PPM1E: variants seen among roughly 807,000 people sequenced by gnomAD.
PPM1E encodes protein phosphatase 1E.
PPM1E carries 20 observed loss-of-function variants against 65.9 expected under a neutral mutation model. The observed-to-expected ratio is 0.30, with a 90% CI of 0.21 to 0.44. The LOEUF is 0.44. PPM1E is among the 20% of genes least tolerant of loss of function. The probability of loss-of-function intolerance (pLI) is 1.00; values close to 1 mark genes in which losing one functional copy is unlikely to be tolerated. For missense variants in PPM1E, 713 were observed against 953.1 expected (o/e 0.75, Z 3.32); for synonymous variants, 352 against 374.9 (o/e 0.94, Z 0.70).
intron 1 of PPM1E, among the ~76,000 whole-genome samples, chr17:58,932,196 C>T (rs1055438233): frequency 5.3e-5 from 8 of 152,042 alleles, no homozygotes; most frequent in South Asian, 2.1e-4. Context: ...GGGCCGTGCG[C>T]GGTGGCTCAC....
intron 1 of PPM1E, among the ~76,000 whole-genome samples, chr17:58,865,049 A>G (rs2050985105): frequency 6.6e-6 from 1 of 152,122 alleles, no homozygotes; most frequent in Admixed American, 6.5e-5. Context: ...AGTGAAGGGA[A>G]TTTCTTGCAG....
intron 1 of PPM1E, among the ~76,000 whole-genome samples, chr17:58,798,377 C>T (rs527464506): frequency 3.1e-4 from 47 of 151,472 alleles, no homozygotes; most frequent in African/African-American, 1.0e-3. Context: ...TACAGGCAGG[C>T]GCCACCACGC....
intron 1 of PPM1E, among the ~76,000 whole-genome samples, chr17:58,759,238 A>G (rs985423602): frequency 1.3e-5 from 2 of 152,256 alleles, no homozygotes; most frequent in African/African-American, 2.4e-5. Context: ...AGCCTGAGTG[A>G]CAGTGAGACG....
intron 1 of PPM1E, among the ~76,000 whole-genome samples, chr17:58,818,213 T>C (rs2050446035): frequency 6.6e-6 from 1 of 152,194 alleles, no homozygotes; most frequent in African/African-American, 2.4e-5. Context: ...CACATTAATT[T>C]AACCTCACAG....
intron 1 of PPM1E, among the ~76,000 whole-genome samples, chr17:58,814,248 T>C (rs1029212221): frequency 3.3e-5 from 5 of 152,018 alleles, no homozygotes; most frequent in African/African-American, 1.2e-4. Context: ...AAGATCTCTT[T>C]TTGGAGGAAC....
chr17:58,965,992 G>A, intron 3 of PPM1E, 99 bp downstream of exon 3: 1 of 1,250,730 alleles, frequency 8.0e-7, no homozygotes, highest in South Asian at 1.4e-5. Context: ...ATTTCTAATT[G>A]TATCTCTGGT....
chr17:58,796,212 T>G (rs1272782467), intron 1 of PPM1E, among the ~76,000 whole-genome samples: 2 of 152,142 alleles, frequency 1.3e-5, no homozygotes, highest in African/African-American at 4.8e-5. Context: ...GCTGGCTAAT[T>G]CTAAAATTTT....
intron 1 of PPM1E, among the ~76,000 whole-genome samples, chr17:58,786,753 A>C (rs766627896): frequency 3.3e-5 from 5 of 152,202 alleles, no homozygotes; most frequent in African/African-American, 1.2e-4. Flanking sequence ...CCGTTACACA[A>C]CTTCCATATT....
chr17:58,818,014 C>T (rs2050443946), intron 1 of PPM1E, among the ~76,000 whole-genome samples: 1 of 152,178 alleles, frequency 6.6e-6, no homozygotes, highest in Admixed American at 6.6e-5. Flanking sequence ...GCTGGGATTA[C>T]AGACGTGAGC....
intron 6 of PPM1E, among the ~76,000 whole-genome samples, chr17:58,979,629 C>T (rs1334883276): frequency 6.6e-6 from 1 of 152,170 alleles, no homozygotes; most frequent in Non-Finnish European, 1.5e-5. Context: ...TGTCTTCCTA[C>T]ACAGTGTACT....
chr17:58,972,189 G>C lies in PPM1E; in HGVS notation c.1030G>C (p.Val344Leu). 1 of 1,614,104 alleles carries C rather than the reference G, an allele frequency of 6.2e-7. No individual in the cohort carries two copies. Among genetic ancestry groups the C allele is most frequent in the Non-Finnish European group, 8.5e-7 (1 of 1,179,946 alleles). Reference sequence around the variant, plus strand: ...TTTCATCAGAGGCAACATGCTACATGTGGCCTGGGTGGGTGATTCCCAGGT... The same window carrying C: ...TTTCATCAGAGGCAACATGCTACATCTGGCCTGGGTGGGTGATTCCCAGGT... ...VTFIRGNMLHVAWVGDSQVML... is the reference protein window; with the variant it reads ...VTFIRGNMLHLAWVGDSQVML... Residue 344 changes from valine to leucine, a missense_variant, in exon 5 of 7, where the codon GTG becomes CTG. Physicochemically the swap from Val to Leu is conservative, Grantham distance 32 (BLOSUM62 1). Coordinates refer to ENST00000308249, the MANE Select transcript of PPM1E (RefSeq NM_014906.5).
intron 1 of PPM1E, among the ~76,000 whole-genome samples, chr17:58,882,646 C>T (rs1287639295): frequency 1.3e-5 from 2 of 152,188 alleles, no homozygotes; most frequent in Non-Finnish European, 2.9e-5. Flanking sequence ...TCACCTCAGC[C>T]TCCCAAAGTG....
intron 1 of PPM1E, among the ~76,000 whole-genome samples, chr17:58,945,471 G>A (rs896257994): frequency 6.6e-6 from 1 of 152,148 alleles, no homozygotes; most frequent in Non-Finnish European, 1.5e-5. Context: ...AAAAGTGTGT[G>A]GGGTTTTCCC....
chr17:58,961,775 C>T (rs907488664), intron 2 of PPM1E, among the ~76,000 whole-genome samples: 5 of 152,070 alleles, frequency 3.3e-5, no homozygotes, highest in African/African-American at 7.2e-5. Flanking sequence ...CTAATGTGAC[C>T]GAAAAACTGA....
intron 1 of PPM1E, among the ~76,000 whole-genome samples, chr17:58,912,745 T>C (rs534214056): frequency 5.3e-5 from 8 of 152,286 alleles, no homozygotes; most frequent in South Asian, 4.1e-4. Context: ...GAATGGACCA[T>C]GTGATTAAAA....
At chr17:58,955,588 G>T in intron 1 of PPM1E, 61 bp from the exon 2 acceptor site, 2 of 1,546,296 alleles carry the variant, frequency 1.3e-6, no homozygotes, top group East Asian at 4.5e-5. Context: ...TTATTATAAC[G>T]TTAAATGTAT....
intron 1 of PPM1E, among the ~76,000 whole-genome samples, chr17:58,790,492 A>G (rs1052670433): frequency 1.3e-5 from 2 of 152,178 alleles, no homozygotes; most frequent in African/African-American, 4.8e-5. Flanking sequence ...ATGTCTAGAA[A>G]TAGAGTCTAA....
At chr17:58,763,130 C>G (rs879296058) in intron 1 of PPM1E, among the ~76,000 whole-genome samples, 2 of 151,888 alleles carry the variant, frequency 1.3e-5, no homozygotes, top group Non-Finnish European at 2.9e-5. Flanking sequence ...GGATACATCC[C>G]CAAATCTCAA....
intron 1 of PPM1E, among the ~76,000 whole-genome samples, chr17:58,943,282 A>G (rs1167233898): frequency 6.6e-6 from 1 of 152,106 alleles, no homozygotes; most frequent in African/African-American, 2.4e-5. Flanking sequence ...TGTCAGAGAC[A>G]TTTCTCTAAA....
Sources: allele counts gnomAD v4.1 joint callset (sites outside exome capture counted in the v4.1 genomes callset), GRCh38; gene constraint gnomAD v4.1.1; transcripts MANE v1.5; gene names NCBI Gene and HGNC (gene_info 2026-07-23, HGNC 2026-07-21).